Variants in HDAC5 observed in about 807,000 individuals in gnomAD.
The protein encoded by HDAC5 is antigen NY-CO-9.
Under a neutral mutation model 133.3 loss-of-function variants are expected in HDAC5, and 25 were observed. The observed-to-expected ratio is 0.19, with a 90% CI of 0.14 to 0.26. HDAC5 has a LOEUF of 0.26. Ranked by LOEUF, HDAC5 falls within the 10% of genes least tolerant of loss-of-function variation. The pLI, the probability that HDAC5 is intolerant of heterozygous loss-of-function variation, is 1.00. For missense variants in HDAC5, 1,041 were observed against 1,460.5 expected (o/e 0.71, Z 4.68); for synonymous variants, 589 against 610.8 (o/e 0.96, Z 0.53).
chr17:44,098,513 C>T (rs923798184), intron 3 of HDAC5, among the ~76,000 whole-genome samples: 10 of 151,174 alleles, frequency 6.6e-5, no homozygotes, highest in South Asian at 2.1e-4. Flanking sequence ...CTGAGGCGGG[C>T]GGATCACCTG....
rs374210038 is a variant in HDAC5 at position 44,091,370 on chromosome 17, G to A, written c.1287C>T (p.Gly429=). 4.6e-5 allele frequency: 73 copies of A among 1,594,854 alleles called. No individual in the cohort carries two copies. In the South Asian group the frequency reaches 4.8e-4, roughly 10 times the overall value. The part of the protein sequence containing the change: ...STSSIPGCLL[G]VALEGDGSPH... ...GGCTCCCGTCGCCCTCCAGTGCCAC[G>A]CCCAGCAGGCAGCCAGGAATAGAGG... Residue 429 remains glycine, a synonymous_variant, in exon 11 of 27, where the codon GGC becomes GGT. Transcript: ENST00000682912.
chr17:44,088,612 G>A lies in HDAC5; in HGVS notation c.1388-14C>T, dbSNP rs1366061851. On this transcript the variant is annotated splice_polypyrimidine_tract_variant and intron_variant, in intron 11 of 26. Transcript: ENST00000682912. ...CGTGGAGTGGCACTACGGAGTTGGGGGTGATGACTAAGCACCATTGTCAGG... is the reference window on the plus strand; with the variant it reads ...CGTGGAGTGGCACTACGGAGTTGGGAGTGATGACTAAGCACCATTGTCAGG... 6.2e-7 allele frequency: 1 copy of A among 1,606,516 alleles called. No individual in the cohort carries two copies. Among genetic ancestry groups the A allele is most frequent in the Non-Finnish European group, 8.5e-7 (1 of 1,175,036 alleles).
intron 22 of HDAC5, 87 bp downstream of exon 22, chr17:44,080,314 C>T: frequency 1.3e-6 from 2 of 1,541,326 alleles, no homozygotes; most frequent in Non-Finnish European, 1.8e-6. Flanking sequence ...CCCCCTCTAC[C>T]CACACTGAAC....
rs2052698971 is a variant in HDAC5 at position 44,117,184 on chromosome 17, G to GC, written c.22+309dup. On this transcript the variant is annotated intron_variant, in intron 2 of 26. Coordinates refer to ENST00000682912, the MANE Select transcript of HDAC5 (RefSeq NM_005474.5). This position sits in a 1 kb window ranked among gnomAD's most constrained non-coding sequence, Gnocchi z 4.2. Reference sequence around the variant, plus strand: ...CCAGAGAGATTAAGGGATACACACTGCCCCCTCAGGCCCACCTGTCTTGGC... The same window carrying GC: ...CCAGAGAGATTAAGGGATACACACTGCCCCCCTCAGGCCCACCTGTCTTGGC... Among the ~76,000 whole-genome samples the GC allele has an allele frequency of 6.6e-6, 1 of 152,214 alleles. No homozygotes were observed. The highest frequency in any genetic ancestry group is 6.5e-5 in the Admixed American group (1 of 15,292).
At chr17:44,089,717 A>C (rs1276158800) in intron 11 of HDAC5, among the ~76,000 whole-genome samples, 1 of 132,912 alleles carries the variant, frequency 7.5e-6, no homozygotes, top group Non-Finnish European at 1.6e-5. Context: ...ACTGCACTCC[A>C]GCCTGGGCAA....
intron 2 of HDAC5, among the ~76,000 whole-genome samples, chr17:44,114,456 C>G (rs1239254614): frequency 6.6e-6 from 1 of 152,020 alleles, no homozygotes; most frequent in Non-Finnish European, 1.5e-5. Flanking sequence ...GGGGCTGCTG[C>G]CCTCCATCCT....
chr17:44,086,756 G>C lies in HDAC5; in HGVS notation c.1885-19C>G. 7.8e-7 allele frequency: 1 copy of C among 1,286,940 alleles called. No individual in the cohort carries two copies. The highest frequency in any genetic ancestry group is 9.9e-7 in the Non-Finnish European group (1 of 1,010,992). 79.7% of individuals were successfully genotyped at this position (1,286,940 alleles called of 1,614,324 possible). A position where few individuals can be genotyped will look rare whatever the true frequency, so the allele number is the denominator to read the frequency against. ...AGAACAGCTGGAGGGGAGAATGGGA[G>C]GGGGCCTGGGTCAGACTCAGCCAGG... On this transcript the variant is annotated intron_variant, in intron 13 of 26. Coordinates refer to ENST00000682912, the MANE Select transcript of HDAC5 (RefSeq NM_005474.5).
Position 44,078,344 on chromosome 17 carries a change from T to C in HDAC5, c.*32A>G, listed in dbSNP as rs2050208045. ...ATAGAAAAAATAAACAAAATCACAATGGTGAAGCCCAGAGGGATGGGGGCC... is the reference window on the plus strand; with the variant it reads ...ATAGAAAAAATAAACAAAATCACAACGGTGAAGCCCAGAGGGATGGGGGCC... On this transcript the variant is annotated 3_prime_UTR_variant, in exon 27 of 27. Coordinates refer to ENST00000682912, the MANE Select transcript of HDAC5 (RefSeq NM_005474.5). 2 of 1,517,898 alleles carry C rather than the reference T, an allele frequency of 1.3e-6. No individual in the cohort carries two copies. The highest frequency in any genetic ancestry group is 1.8e-6 in the Non-Finnish European group (2 of 1,136,360). The allele number at this position is 1,517,898 out of a possible 1,614,324, so 94.0% of individuals were successfully genotyped here. A position where few individuals can be genotyped will look rare whatever the true frequency, so the allele number is the denominator to read the frequency against.
Position 44,080,865 on chromosome 17 carries a change from A to G in HDAC5, c.2625T>C (p.Asn875=), listed in dbSNP as rs753236118. 36 of 1,614,090 alleles carry G rather than the reference A, an allele frequency of 2.2e-5. No individual in the cohort carries two copies. The highest frequency in any genetic ancestry group is 2.9e-5 in the Non-Finnish European group (34 of 1,180,040). The change falls in exon 21 of 27, where the codon AAT becomes AAC. Residue 875 remains asparagine, a synonymous_variant. Transcript: ENST00000682912. ...LIVDWDIHHG[N]GTQQAFYNDP... ...CATTGTAGAACGCCTGCTGGGTGCC[A>G]TTGCCATGGTGAATGTCCTATGAGG...
chr17:44,121,527 G>A (rs1292531050), intron 1 of HDAC5, among the ~76,000 whole-genome samples: 1 of 150,112 alleles, frequency 6.7e-6, no homozygotes, highest in Non-Finnish European at 1.5e-5. Flanking sequence ...AAAGGGATGT[G>A]AGTAGGAAGA....
chr17:44,117,842 C>A lies in HDAC5; in HGVS notation c.-189-138G>T, dbSNP rs2052741474. The A allele has an allele frequency of 1.2e-5, 7 of 563,324 alleles. No homozygotes were observed. In the South Asian group the frequency reaches 1.7e-4, roughly 13 times the overall value. The allele number at this position is 563,324 out of a possible 1,614,324, so 34.9% of individuals were successfully genotyped here. ...ACCTGCCCACAGCCACAGGAGAAAT[C>A]TGCAGAACTGGATAGACCCTGGTTT... On this transcript the variant is annotated intron_variant, in intron 1 of 26. Transcript: ENST00000682912. This position sits in a 1 kb window ranked among gnomAD's most constrained non-coding sequence, Gnocchi z 4.2.
intron 11 of HDAC5, among the ~76,000 whole-genome samples, chr17:44,090,936 G>A (rs1250219252): frequency 3.9e-5 from 6 of 152,140 alleles, no homozygotes; most frequent in East Asian, 3.9e-4. Context: ...TGATCCACCC[G>A]CCTCAGCCTC....
intron 3 of HDAC5, among the ~76,000 whole-genome samples, chr17:44,109,985 C>T (rs994811805): frequency 2.6e-5 from 4 of 152,238 alleles, no homozygotes; most frequent in Non-Finnish European, 4.4e-5. Flanking sequence ...GGGGACCCCA[C>T]CCCTAGCCAA....
At chr17:44,086,905 C>T in intron 13 of HDAC5, 168 bp from the exon 14 acceptor site, 1 of 370,740 alleles carries the variant, frequency 2.7e-6, no homozygotes, top group Non-Finnish European at 4.6e-6. Context: ...CACATCTCCT[C>T]TGAGATGGGG....
In HDAC5 at chr17:44,078,145, G is replaced by A. The variant is rs2050198819; in HGVS notation, c.*231C>T. On this transcript the variant is annotated 3_prime_UTR_variant, in exon 27 of 27. Transcript: ENST00000682912. ...CAGAATGCAGGAAAATGGGGGGAGGGACACATGGGACAGGGCTGGGAAGAC... is the reference window on the plus strand; with the variant it reads ...CAGAATGCAGGAAAATGGGGGGAGGAACACATGGGACAGGGCTGGGAAGAC... 2 of 428,812 alleles carry A rather than the reference G, an allele frequency of 4.7e-6. No homozygotes were observed. Among genetic ancestry groups the A allele is most frequent in the South Asian group, 6.8e-5 (1 of 14,762 alleles). The allele number at this position is 428,812 out of a possible 1,614,324, so 26.6% of individuals were successfully genotyped here. A position where few individuals can be genotyped will look rare whatever the true frequency, so the allele number is the denominator to read the frequency against.
At position 44,087,694 on chromosome 17, in the gene HDAC5, G is replaced by A. The variant is rs1245916395; in HGVS notation, c.1602C>T (p.Ile534=). The part of the protein sequence containing the change: ...QKQQQLQLGK[I]LTKTGELPRQ... ...TGGGCAGCTCCCCTGTCTTGGTGAGGATCTGATAACAGAATATGGGGGCAC... is the reference window on the plus strand; with the variant it reads ...TGGGCAGCTCCCCTGTCTTGGTGAGAATCTGATAACAGAATATGGGGGCAC... The change falls in exon 13 of 27, where the codon ATC becomes ATT. Residue 534 remains isoleucine, a splice_region_variant and synonymous_variant. Coordinates refer to ENST00000682912, the MANE Select transcript of HDAC5 (RefSeq NM_005474.5). 1.9e-6 allele frequency: 3 copies of A among 1,584,940 alleles called. No individual in the cohort carries two copies. The highest frequency in any genetic ancestry group is 1.3e-5 in the African/African-American group (1 of 74,572).
chr17:44,094,340 A>C (rs2051123783), intron 3 of HDAC5, among the ~76,000 whole-genome samples: 1 of 150,838 alleles, frequency 6.6e-6, no homozygotes, highest in African/African-American at 2.4e-5. Flanking sequence ...AAAAAAACAA[A>C]AAACAAAAAG....
intron 3 of HDAC5, among the ~76,000 whole-genome samples, chr17:44,102,975 CTTTA>C (rs914083321): frequency 1.3e-4 from 20 of 152,114 alleles, no homozygotes; most frequent in African/African-American, 4.8e-4. Context: ...CCCAGGTTCC[CTTTA>C]TTTAAGAGAC....
At chr17:44,101,178 G>A (rs2051582496) in intron 3 of HDAC5, among the ~76,000 whole-genome samples, 2 of 151,150 alleles carry the variant, frequency 1.3e-5, no homozygotes. Context: ...GGCTGAGACA[G>A]GCAGATCACG....
Sources: allele counts gnomAD v4.1 joint callset (sites outside exome capture counted in the v4.1 genomes callset), GRCh38; gene constraint gnomAD v4.1.1; non-coding constraint Gnocchi (gnomAD v3.1); transcripts MANE v1.5; gene names NCBI Gene and HGNC (gene_info 2026-07-23, HGNC 2026-07-21).